The following ABCA4 variants were observed in gnomAD, a reference collection of about 807,000 sequenced individuals.
ABCA4 encodes ATP binding cassette subfamily A member 4.
In ABCA4, 196 loss-of-function variants were observed where a neutral mutation model predicts 263.7. The ratio of observed to expected loss-of-function variants is 0.74; its 90% CI spans 0.66 to 0.84. The LOEUF is 0.84. ABCA4 is among the 40% of genes least tolerant of loss of function. The pLI is 0.00. For missense variants in ABCA4, 2,792 were observed against 2,855.1 expected (o/e 0.98, Z 0.50); for synonymous variants, 1,133 against 1,094.2 (o/e 1.04, Z -0.70).
At chr1:94,109,905 C>T (rs1038318346) in intron 3 of ABCA4, among the ~76,000 whole-genome samples, 1 of 152,140 alleles carries the variant, frequency 6.6e-6, no homozygotes, top group East Asian at 1.9e-4. Flanking sequence ...CCCAACTTTC[C>T]GGGTTCAAAT....
At chr1:94,074,860 T>C (rs1335895179) in intron 11 of ABCA4, among the ~76,000 whole-genome samples, 2 of 152,200 alleles carry the variant, frequency 1.3e-5, no homozygotes, top group Non-Finnish European at 2.9e-5. Context: ...CATTCTACTA[T>C]AAAAATACAT....
chr1:94,000,718 C>T (rs1440156205), intron 47 of ABCA4, 118 bp downstream of exon 47: 10 of 1,100,852 alleles, frequency 9.1e-6, no homozygotes, highest in African/African-American at 1.5e-5. Context: ...CCAGCCACCA[C>T]CTGCCTCTGC....
chr1:94,080,000 A>C (rs1475189447), intron 8 of ABCA4, among the ~76,000 whole-genome samples: 2 of 152,190 alleles, frequency 1.3e-5, no homozygotes, highest in East Asian at 1.9e-4. Flanking sequence ...GACCAAAAAA[A>C]AAAAAATAGT....
intron 3 of ABCA4, 115 bp downstream of exon 3, chr1:94,111,323 C>T: frequency 7.1e-7 from 1 of 1,415,152 alleles, no homozygotes; most frequent in South Asian, 1.3e-5. Flanking sequence ...GTTAGGGGCT[C>T]AGCAAAGCCA....
chr1:94,029,979 A>G (rs1184903781), intron 29 of ABCA4, among the ~76,000 whole-genome samples: 1 of 152,222 alleles, frequency 6.6e-6, no homozygotes, highest in African/African-American at 2.4e-5. Context: ...GAGAAAAGTT[A>G]AAATTATATT....
intron 30 of ABCA4, among the ~76,000 whole-genome samples, chr1:94,029,004 T>C (rs1478022406): frequency 6.6e-6 from 1 of 151,692 alleles, no homozygotes; most frequent in African/African-American, 2.4e-5. Context: ...TGGATGCATG[T>C]TCCTAGTAAA....
chr1:94,024,973 G>T lies in ABCA4; in HGVS notation c.4615C>A (p.Pro1539Thr). ...TCTTACCTGCTTCTTATAAGAGCAG[G>T]ATACGTTTTTACCAAGAAGTCGGAG... ...NISDFLVKTY[P>T]ALIRSSLKSK... is the part of the protein sequence containing the mutation. The change falls in exon 31 of 50, where the codon CCT becomes ACT. Residue 1539 changes from proline (P) to threonine (T), a missense_variant. Physicochemically the swap from Pro to Thr is conservative, Grantham distance 38. Coordinates refer to ENST00000370225, the MANE Select transcript of ABCA4 (RefSeq NM_000350.3). 7 of 1,614,094 alleles carry T rather than the reference G, an allele frequency of 4.3e-6. No individual in the cohort carries two copies. Among genetic ancestry groups the T allele is most frequent in the Non-Finnish European group, 5.1e-6 (6 of 1,179,936 alleles).
intron 36 of ABCA4, among the ~76,000 whole-genome samples, chr1:94,019,019 G>GTTTTTTTT (rs757258025): frequency 2.6e-5 from 2 of 76,430 alleles, no homozygotes; most frequent in African/African-American, 1.2e-4. Context: ...AAACAACCAG[G>GTTTTTTTT]TTTTTTTTTT....
intron 41 of ABCA4, 39 bp downstream of exon 41, chr1:94,008,712 A>C (rs1659464083): frequency 6.2e-7 from 1 of 1,613,598 alleles, no homozygotes. Flanking sequence ...CCAACTGTGG[A>C]TCTAACCAGC....
chr1:93,997,386 T>C (rs572161976), intron 48 of ABCA4, among the ~76,000 whole-genome samples: 1 of 151,820 alleles, frequency 6.6e-6, no homozygotes, highest in East Asian at 1.9e-4. Context: ...ACCTCCCATG[T>C]AGATGGGACC....
intron 7 of ABCA4, among the ~76,000 whole-genome samples, chr1:94,081,149 T>TG (rs1007831550): frequency 6.6e-6 from 1 of 151,960 alleles, no homozygotes; most frequent in Admixed American, 6.6e-5. Flanking sequence ...GGCGTGAACC[T>TG]GGGGGGCAGA....
chr1:94,044,229 C>A (rs1356887606), intron 20 of ABCA4, among the ~76,000 whole-genome samples: 5 of 152,196 alleles, frequency 3.3e-5, no homozygotes, highest in African/African-American at 7.2e-5. Context: ...ACTGAAAAGC[C>A]CCCTGAAAAG....
At chr1:94,105,634 G>T (rs1210154744) in intron 4 of ABCA4, among the ~76,000 whole-genome samples, 1 of 138,092 alleles carries the variant, frequency 7.2e-6, no homozygotes, top group East Asian at 2.6e-4. Context: ...GGCTGCTGAG[G>T]CCCCAGGAGC....
chr1:94,011,229 G>T (rs775520715), intron 39 of ABCA4, 33 bp downstream of exon 39: 3 of 1,613,734 alleles, frequency 1.9e-6, no homozygotes, highest in Non-Finnish European at 2.5e-6. Flanking sequence ...TGGACCCAGG[G>T]CCCATGCTCC....
rs56166161 is a variant in ABCA4 at position 94,009,091 on chromosome 1, G to C, written c.5715-220C>G. Among the ~76,000 whole-genome samples, 17,478 of 151,978 alleles carry C rather than the reference G, an allele frequency of 0.12. 1,267 individuals are homozygous for C. Among genetic ancestry groups the C allele is most frequent in the African/African-American group, 0.21 (8,704 of 41,384 alleles). Reference sequence around the variant, plus strand: ...AGAGTCAGCCTTGGGTTCCAGTCCTGGCCTCCTCATGTGTGATCTTGGGCA... The same window carrying C: ...AGAGTCAGCCTTGGGTTCCAGTCCTCGCCTCCTCATGTGTGATCTTGGGCA... On this transcript the variant is annotated intron_variant, in intron 40 of 49. Coordinates refer to ENST00000370225, the MANE Select transcript of ABCA4 (RefSeq NM_000350.3).
intron 6 of ABCA4, among the ~76,000 whole-genome samples, chr1:94,097,316 G>A (rs573282526): frequency 6.6e-6 from 1 of 152,234 alleles, no homozygotes; most frequent in South Asian, 2.1e-4. Flanking sequence ...ATTAAGCGTG[G>A]ACCGTGCCAG....
chr1:94,025,093 A>C, intron 30 of ABCA4, 45 bp from the exon 31 acceptor site: 1 of 1,523,508 alleles, frequency 6.6e-7, no homozygotes. Context: ...GAACTTGAGG[A>C]CTTATAAGTA....
intron 31 of ABCA4, among the ~76,000 whole-genome samples, chr1:94,024,512 C>A (rs1659984570): frequency 6.6e-6 from 1 of 152,172 alleles, no homozygotes; most frequent in Non-Finnish European, 1.5e-5. Flanking sequence ...CTGCCTCTTT[C>A]CCACCCTATC....
rs1662652110 is a variant in ABCA4 at position 94,112,975 on chromosome 1, T to A, written c.158A>T (p.Glu53Val). 2 of 1,612,712 alleles carry A rather than the reference T, an allele frequency of 1.2e-6. No homozygotes were observed. Among genetic ancestry groups the A allele is most frequent in the Non-Finnish European group, 1.7e-6 (2 of 1,178,702 alleles). Residue 53 changes from glutamate to valine, a missense_variant and splice_region_variant, in exon 2 of 50, where the codon GAA becomes GTA. Physicochemically the swap from Glu to Val is moderately radical, Grantham distance 121. Coordinates refer to ENST00000370225, the MANE Select transcript of ABCA4 (RefSeq NM_000350.3). The stretch of plus-strand genomic sequence containing the variant: ...CCAAGCTACCCTGCTATGCTTACAT[T>A]CATGATGGCTGTAGAGTGGGTTGGC... ...RNANPLYSHH[E>V]CHFPNKAMPS...
Sources: allele counts gnomAD v4.1 joint callset (sites outside exome capture counted in the v4.1 genomes callset), GRCh38; gene constraint gnomAD v4.1.1; transcripts MANE v1.5; gene names NCBI Gene and HGNC (gene_info 2026-07-23, HGNC 2026-07-21).